Variants in AGMO observed in about 807,000 individuals in gnomAD.
The protein encoded by AGMO is alkylglycerol monooxygenase.
A neutral mutation model predicts 60.2 loss-of-function variants in AGMO; 75 were observed. The observed-to-expected ratio is 1.25, with a 90% CI of 1.03 to 1.51. The LOEUF (loss-of-function observed/expected upper bound fraction) is 1.51. AGMO is among the 40% of genes most tolerant of loss of function. The pLI is 0.00. For synonymous variants in AGMO, 261 were observed against 177.1 expected, an observed-to-expected ratio of 1.47 and a Z score of -3.76; for missense variants, 763 against 525.5, an observed-to-expected ratio of 1.45 and a Z score of -4.42.
At chr7:15,458,588 C>T (rs1583573247) in intron 3 of AGMO, among the ~76,000 whole-genome samples, 1 of 152,178 alleles carries the variant, frequency 6.6e-6, no homozygotes, top group Non-Finnish European at 1.5e-5. Context: ...ATTCATCTCA[C>T]TTTTGCTAGA....
At chr7:15,325,439 TA>T (rs1439383843) in intron 12 of AGMO, among the ~76,000 whole-genome samples, 1 of 133,584 alleles carries the variant, frequency 7.5e-6, no homozygotes, top group Non-Finnish European at 1.7e-5. Flanking sequence ...AGATTAACCT[TA>T]AAAAGCTTAT....
intron 5 of AGMO, among the ~76,000 whole-genome samples, chr7:15,409,715 G>A (rs1277516378): frequency 6.6e-6 from 1 of 151,776 alleles, no homozygotes. Flanking sequence ...CGTACTGGAT[G>A]CTTAATACAT....
chr7:15,385,333 A>T, intron 10 of AGMO, 113 bp downstream of exon 10: 1 of 675,742 alleles, frequency 1.5e-6, no homozygotes, highest in Non-Finnish European at 2.5e-6. Context: ...TGCCAAAATT[A>T]CAGCAGACCA....
chr7:15,500,727 T>A (rs564217803), intron 3 of AGMO, among the ~76,000 whole-genome samples: 1 of 151,974 alleles, frequency 6.6e-6, no homozygotes, highest in African/African-American at 2.4e-5. Context: ...TGTCTTCTGA[T>A]AGCTTTGGGG....
intron 10 of AGMO, among the ~76,000 whole-genome samples, chr7:15,367,476 A>T (rs1342068433): frequency 1.3e-5 from 2 of 152,022 alleles, no homozygotes; most frequent in African/African-American, 4.8e-5. Context: ...AAACGCAAAC[A>T]ATCTGGGAAA....
At chr7:15,253,069 G>A (rs572520830) in intron 12 of AGMO, among the ~76,000 whole-genome samples, 1 of 152,298 alleles carries the variant, frequency 6.6e-6, no homozygotes, top group Non-Finnish European at 1.5e-5. Context: ...CAGCTCATGG[G>A]ATGAAGAACA....
At chr7:15,511,709 A>G (rs1783677492) in intron 3 of AGMO, among the ~76,000 whole-genome samples, 1 of 152,242 alleles carries the variant, frequency 6.6e-6, no homozygotes, top group African/African-American at 2.4e-5. Context: ...TCATTTCACA[A>G]AGTATACATG....
intron 10 of AGMO, among the ~76,000 whole-genome samples, chr7:15,383,079 T>G (rs1030646756): frequency 6.6e-6 from 1 of 152,046 alleles, no homozygotes; most frequent in African/African-American, 2.4e-5. Context: ...ATTCGTAGGC[T>G]GGGTACATAA....
intron 12 of AGMO, among the ~76,000 whole-genome samples, chr7:15,329,098 T>C (rs1222107733): frequency 1.3e-5 from 2 of 152,194 alleles, no homozygotes; most frequent in Non-Finnish European, 2.9e-5. Flanking sequence ...CTCTTTGTTG[T>C]CCCACATATT....
intron 5 of AGMO, among the ~76,000 whole-genome samples, 161 bp from the exon 6 acceptor site, chr7:15,394,340 A>G (rs887668947): frequency 3.3e-5 from 5 of 152,178 alleles, no homozygotes; most frequent in African/African-American, 1.2e-4. Context: ...TGGAATTCAT[A>G]TAAAGACAAT....
chr7:15,381,003 C>A (rs1783661240), intron 10 of AGMO, among the ~76,000 whole-genome samples: 1 of 152,026 alleles, frequency 6.6e-6, no homozygotes, highest in South Asian at 2.1e-4. Context: ...AAACTGGACC[C>A]CTCCCTTACT....
chr7:15,293,358 G>A (rs1172921925), intron 12 of AGMO, among the ~76,000 whole-genome samples: 1 of 152,104 alleles, frequency 6.6e-6, no homozygotes, highest in African/African-American at 2.4e-5. Context: ...TATTTATCTC[G>A]TGTTGCTGAT....
In AGMO at chr7:15,365,535, A is replaced by C. The variant is rs1284755382; in HGVS notation, c.1242T>G (p.Pro414=). ...TTACCTCAAAAGCAGATGACAATGA[A>C]GGGACAAGAGGCTTCAGGTGACCAA... ...YRFGHLKPLV[P]SLSSAFEIVF... The change falls in exon 12 of 13, where the codon CCT becomes CCG. Residue 414 remains proline, a synonymous_variant. Coordinates refer to ENST00000342526, the MANE Select transcript of AGMO (RefSeq NM_001004320.2). The C allele has an allele frequency of 6.2e-7, 1 of 1,612,500 alleles. No homozygotes were observed. Among genetic ancestry groups the C allele is most frequent in the East Asian group, 2.2e-5 (1 of 44,840 alleles).
chr7:15,317,397 T>C (rs1029959493), intron 12 of AGMO, among the ~76,000 whole-genome samples: 5 of 152,070 alleles, frequency 3.3e-5, no homozygotes, highest in African/African-American at 1.2e-4. Flanking sequence ...TGTTGGGACA[T>C]AAAAATAAAC....
chr7:15,474,547 C>T (rs1232683717), intron 3 of AGMO, among the ~76,000 whole-genome samples: 3 of 152,082 alleles, frequency 2.0e-5, no homozygotes, highest in Non-Finnish European at 2.9e-5. Flanking sequence ...AAAATTAACT[C>T]AAGATGGATT....
chr7:15,463,786 A>G (rs896536363), intron 3 of AGMO, among the ~76,000 whole-genome samples: 1 of 152,172 alleles, frequency 6.6e-6, no homozygotes, highest in Non-Finnish European at 1.5e-5. Flanking sequence ...CAGAACTACT[A>G]CAAGTGATGA....
At chr7:15,491,625 A>T (rs1036586145) in intron 3 of AGMO, among the ~76,000 whole-genome samples, 8 of 152,196 alleles carry the variant, frequency 5.3e-5, no homozygotes, top group Non-Finnish European at 1.2e-4. Context: ...GTAACGACAC[A>T]ACCCAAGATG....
intron 12 of AGMO, among the ~76,000 whole-genome samples, chr7:15,215,499 C>T (rs559869458): frequency 2.6e-5 from 4 of 151,872 alleles, no homozygotes; most frequent in Non-Finnish European, 5.9e-5. Context: ...GATATTAGTA[C>T]ATTTAATTTT....
intron 3 of AGMO, among the ~76,000 whole-genome samples, chr7:15,536,458 T>C (rs958689295): frequency 2.0e-5 from 3 of 151,958 alleles, no homozygotes; most frequent in African/African-American, 7.2e-5. Context: ...CATACAACTA[T>C]AGACTTTTCA....
Sources: gnomAD v4.1 joint callset for allele counts (sites outside exome capture counted in the v4.1 genomes callset) on GRCh38, gnomAD v4.1.1 for gene constraint, MANE v1.5 for transcripts, NCBI Gene and HGNC (gene_info 2026-07-23, HGNC 2026-07-21) for gene names.